Variants in WAPL observed in about 807,000 individuals in gnomAD.
The protein encoded by WAPL is wings apart-like protein homolog.
In WAPL, 5 loss-of-function variants were observed where a neutral mutation model predicts 121.0. The observed-to-expected ratio is 0.04, with a 90% CI of 0.02 to 0.09. The LOEUF (loss-of-function observed/expected upper bound fraction) is 0.09. Ranked by LOEUF, WAPL falls within the 10% of genes least tolerant of loss-of-function variation. The pLI is 1.00. For missense variants in WAPL, 999 were observed against 1,410.8 expected (o/e 0.71, Z 4.68); for synonymous variants, 480 against 481.5 (o/e 1.00, Z 0.04).
chr10:86,481,699 T>C (rs1236225354), intron 4 of WAPL, among the ~76,000 whole-genome samples: 3 of 151,964 alleles, frequency 2.0e-5, no homozygotes, highest in East Asian at 3.9e-4. Context: ...TTTATTTTTA[T>C]ATAAAAAAGA....
At chr10:86,471,666 G>GCA (rs1416120825) in intron 7 of WAPL, among the ~76,000 whole-genome samples, 1 of 151,610 alleles carries the variant, frequency 6.6e-6, no homozygotes, top group Non-Finnish European at 1.5e-5. Context: ...TTTCTTTCTT[G>GCA]TTTTTGGAGA....
intron 2 of WAPL, among the ~76,000 whole-genome samples, chr10:86,505,434 G>A (rs905250696): frequency 9.4e-5 from 14 of 148,762 alleles, no homozygotes; most frequent in Admixed American, 3.4e-4. Context: ...CTACAGGCGC[G>A]AGTCACCATT....
intron 2 of WAPL, among the ~76,000 whole-genome samples, chr10:86,508,381 C>A (rs1332839580): frequency 6.6e-6 from 1 of 152,148 alleles, no homozygotes; most frequent in East Asian, 1.9e-4. Flanking sequence ...AACATAGCAC[C>A]CCTTCTTCCA....
chr10:86,458,811 C>T (rs1347588567), intron 12 of WAPL, among the ~76,000 whole-genome samples, 178 bp downstream of exon 12: 2 of 152,150 alleles, frequency 1.3e-5, no homozygotes, highest in Non-Finnish European at 2.9e-5. Context: ...TCCACACTGT[C>T]ATTTTGTGTC....
chr10:86,471,183 C>A lies in WAPL; in HGVS notation c.2031-80G>T, dbSNP rs868126043. The A allele has an allele frequency of 7.8e-5, 88 of 1,130,358 alleles. 6 individuals carry two copies. The South Asian group carries it at 1.1e-3, about 14-fold the overall frequency. 70.0% of individuals were successfully genotyped at this position (1,130,358 alleles called of 1,614,324 possible). On this transcript the variant is annotated intron_variant, in intron 7 of 18. Coordinates refer to ENST00000298767, the MANE Select transcript of WAPL (RefSeq NM_015045.5). ...TGAGTTTGTGTAATACCAAAACCAG[C>A]AAATAGGAAGGGGGTAAAAGGGTCA... is the stretch of plus-strand genomic sequence containing the variant.
Position 86,505,158 on chromosome 10 carries a change from G to GT in WAPL, c.500-4416dup, listed in dbSNP as rs199985167. ...ACATAAAATTCCTAAAAGCTGTAGA[G>GT]TTTTTTTTTCTGTAGAGACAGGATT... On this transcript the variant is annotated intron_variant, in intron 2 of 18. Transcript: ENST00000298767. Among the ~76,000 whole-genome samples the GT allele has an allele frequency of 6.0e-3, 868 of 145,116 alleles. 7 individuals carry two copies. The highest frequency in any genetic ancestry group is 0.017 in the African/African-American group (660 of 39,400).
intron 14 of WAPL, among the ~76,000 whole-genome samples, chr10:86,452,940 G>T (rs758869703): frequency 7.0e-6 from 1 of 142,622 alleles, no homozygotes; most frequent in Non-Finnish European, 1.5e-5. Flanking sequence ...CTGGAAGGCT[G>T]AGGCAGGAGA....
intron 4 of WAPL, among the ~76,000 whole-genome samples, chr10:86,479,381 C>A (rs1841730645): frequency 6.6e-6 from 1 of 152,068 alleles, no homozygotes. Context: ...CCTCAGCCTC[C>A]CGAGTAGCTG....
intron 4 of WAPL, among the ~76,000 whole-genome samples, chr10:86,474,401 G>A (rs545333792): frequency 1.8e-4 from 27 of 152,052 alleles, no homozygotes; most frequent in African/African-American, 6.5e-4. Context: ...TGTAATCCCA[G>A]CTATTTGGGA....
rs553078275 is a variant in WAPL at position 86,458,608 on chromosome 10, AT to A, written c.2657+380del. Among the ~76,000 whole-genome samples, 92 of 152,218 alleles carry A rather than the reference AT, an allele frequency of 6.0e-4. 1 individual carries two copies. The highest frequency in any genetic ancestry group is 1.2e-3 in the Admixed American group (19 of 15,288). ...TACTTTAAAAATCATTTAAATTTAA[AT>A]TTTTTATATGTATTTTTAATATACA... On this transcript the variant is annotated intron_variant, in intron 12 of 18. Transcript: ENST00000298767.
At chr10:86,461,075 CA>C (rs1841260865) in intron 10 of WAPL, 100 bp downstream of exon 10, 2 of 931,754 alleles carry the variant, frequency 2.1e-6, no homozygotes, top group Non-Finnish European at 3.2e-6. Flanking sequence ...TGATAATAGA[CA>C]TTTCCAAACT....
At chr10:86,450,797 C>T (rs1564563635) in intron 15 of WAPL, among the ~76,000 whole-genome samples, 2 of 152,118 alleles carry the variant, frequency 1.3e-5, no homozygotes, top group South Asian at 2.1e-4. Context: ...CTAGTCAAAA[C>T]GGAGTATTCT....
rs560054002 is a variant in WAPL, at chr10:86,480,980, T to C, written c.1645-7007A>G. ...CAGAGACTGGTAAGCCAGAGAAAAA[T>C]AAGCTATCTATTAATAACTAATTTG... On this transcript the variant is annotated intron_variant, in intron 4 of 18. Transcript: ENST00000298767. Among the ~76,000 whole-genome samples the C allele has an allele frequency of 7.2e-5, 11 of 152,266 alleles. No individual in the cohort carries two copies. In the South Asian group the frequency reaches 2.3e-3, roughly 32 times the overall value.
At chr10:86,508,161 C>A (rs1842388005) in intron 2 of WAPL, among the ~76,000 whole-genome samples, 1 of 152,180 alleles carries the variant, frequency 6.6e-6, no homozygotes, top group Admixed American at 6.5e-5. Flanking sequence ...CTCTAGACAG[C>A]TCATTCTCCC....
chr10:86,512,772 T>G (rs568377067), intron 2 of WAPL, among the ~76,000 whole-genome samples: 1 of 152,236 alleles, frequency 6.6e-6, no homozygotes, highest in South Asian at 2.1e-4. Context: ...GGATGGGAAG[T>G]GGAGAGAGTA....
chr10:86,493,743 T>C (rs1457803191), intron 4 of WAPL, among the ~76,000 whole-genome samples: 3 of 151,910 alleles, frequency 2.0e-5, no homozygotes, highest in Non-Finnish European at 4.4e-5. Flanking sequence ...GGCTCACGCC[T>C]GTAATCGCTG....
intron 16 of WAPL, 81 bp downstream of exon 16, chr10:86,446,161 T>G: frequency 6.7e-7 from 1 of 1,492,806 alleles, no homozygotes. Context: ...TAAGACAATC[T>G]GCAAATTAAA....
At chr10:86,480,383 A>G (rs773803009) in intron 4 of WAPL, among the ~76,000 whole-genome samples, 1 of 152,252 alleles carries the variant, frequency 6.6e-6, no homozygotes, top group Non-Finnish European at 1.5e-5. Context: ...AGGAAATAGC[A>G]TAACTTGGTC....
At chr10:86,490,719 A>G (rs997749635) in intron 4 of WAPL, among the ~76,000 whole-genome samples, 6 of 152,192 alleles carry the variant, frequency 3.9e-5, no homozygotes, top group African/African-American at 1.4e-4. Flanking sequence ...TATAATTTTG[A>G]TATATATGTA....
Sources: gnomAD v4.1 joint callset for allele counts (sites outside exome capture counted in the v4.1 genomes callset) on GRCh38, gnomAD v4.1.1 for gene constraint, MANE v1.5 for transcripts, NCBI Gene and HGNC (gene_info 2026-07-23, HGNC 2026-07-21) for gene names.